RIC8A: variants seen among roughly 807,000 people sequenced by gnomAD.
The protein encoded by RIC8A is chaperone Ric-8A.
Under a neutral mutation model 48.4 loss-of-function variants are expected in RIC8A, and 37 were observed. The observed-to-expected ratio is 0.77, with a 90% CI of 0.59 to 1.01. The LOEUF is 1.01. Ranked by LOEUF, RIC8A falls within the 50% of genes least tolerant of loss-of-function variation. The probability of loss-of-function intolerance (pLI) is 0.00; values close to 1 mark genes in which losing one functional copy is unlikely to be tolerated. For missense variants in RIC8A, 681 were observed against 696.8 expected (o/e 0.98, Z 0.25); for synonymous variants, 288 against 283.4 (o/e 1.02, Z -0.16).
chr11:209,211 G>A, intron 1 of RIC8A, 60 bp from the exon 2 acceptor site: 1 of 1,602,892 alleles, frequency 6.2e-7, no homozygotes, highest in African/African-American at 1.3e-5. Context: ...TAGGCCGCCC[G>A]CATCAGCGGA....
intron 5 of RIC8A, 99 bp from the exon 6 acceptor site, chr11:212,314 CTGT>C: frequency 8.5e-7 from 1 of 1,169,780 alleles, no homozygotes; most frequent in South Asian, 1.4e-5. Context: ...CCAGGACCAG[CTGT>C]TGTGTATGTT....
chr11:211,233 A>C lies in RIC8A; in HGVS notation c.853A>C (p.Lys285Gln), dbSNP rs1306477551. Residue 285 changes from lysine to glutamine, a missense_variant, in exon 5 of 10, where the codon AAG becomes CAG. Coordinates refer to ENST00000526104, the MANE Select transcript of RIC8A (RefSeq NM_001286134.2). This position sits in a 1 kb window ranked among gnomAD's most constrained non-coding sequence, Gnocchi z 4.0. Reference sequence around the variant, plus strand: ...GAACCTCCTGGGGAACTTGCCCCTCAAGTGTCTGGATGTTCTCCTCACCCT... The same window carrying C: ...GAACCTCCTGGGGAACTTGCCCCTCCAGTGTCTGGATGTTCTCCTCACCCT... ...AVNLLGNLPL[K>Q]CLDVLLTLEP... The C allele has an allele frequency of 6.2e-7, 1 of 1,613,952 alleles. No homozygotes were observed. The highest frequency in any genetic ancestry group is 2.2e-5 in the East Asian group (1 of 44,876).
At position 211,156 on chromosome 11, in the gene RIC8A, A is replaced by G; in HGVS notation, c.819-43A>G. 1 of 1,578,006 alleles carries G rather than the reference A, an allele frequency of 6.3e-7. No homozygotes were observed. The highest frequency in any genetic ancestry group is 8.6e-7 in the Non-Finnish European group (1 of 1,160,834). Reference sequence around the variant, plus strand: ...AGTCACAAAGATTGCACCTGTGCTCAGGGATTAGCCCTGTTGAAACCCCTA... The same window carrying G: ...AGTCACAAAGATTGCACCTGTGCTCGGGGATTAGCCCTGTTGAAACCCCTA... On this transcript the variant is annotated intron_variant, in intron 4 of 9. Transcript: ENST00000526104. The surrounding 1 kb of genome is among the most constrained non-coding windows in gnomAD (Gnocchi z 4.0).
In RIC8A at chr11:214,366, T is replaced by G; in HGVS notation, c.*16T>G. 1 of 1,576,934 alleles carries G rather than the reference T, an allele frequency of 6.3e-7. No homozygotes were observed. The highest frequency in any genetic ancestry group is 8.6e-7 in the Non-Finnish European group (1 of 1,160,464). On this transcript the variant is annotated 3_prime_UTR_variant, in exon 10 of 10. Coordinates refer to ENST00000526104, the MANE Select transcript of RIC8A (RefSeq NM_001286134.2). Reference sequence around the variant, plus strand: ...CCCTGACTGAGGATGGCAGCTCTTCTGCTCCCCCATCAGGACTGGTGCTGC... The same window carrying G: ...CCCTGACTGAGGATGGCAGCTCTTCGGCTCCCCCATCAGGACTGGTGCTGC...
In RIC8A at chr11:209,848, C is replaced by T. The variant is rs762479589; in HGVS notation, c.574C>T (p.Leu192=). 4.3e-6 allele frequency: 7 copies of T among 1,613,642 alleles called. No homozygotes were observed. In the South Asian group the frequency reaches 7.7e-5, roughly 18 times the overall value. ...TCAGGAGCTGAAAGGAGTGCGCCTG[C>T]TAACTGACACACTGGAGCTGACGCT... The part of the protein sequence containing the change: ...LFQELKGVRL[L]TDTLELTLGV... The change falls in exon 3 of 10, where the codon CTA becomes TTA. Residue 192 remains leucine, a synonymous_variant. Coordinates refer to ENST00000526104, the MANE Select transcript of RIC8A (RefSeq NM_001286134.2).
chr11:208,709 G>A lies in RIC8A; in HGVS notation c.-146G>A, dbSNP rs1855253594. On this transcript the variant is annotated 5_prime_UTR_variant, in exon 1 of 10. Transcript: ENST00000526104. The surrounding 1 kb of genome is among the most constrained non-coding windows in gnomAD (Gnocchi z 4.8). ...CCCCCTTAAAGCGCCACCAGACGCT[G>A]CGCCCCGTTAAAGCGCCACCAGACG... 1.8e-6 allele frequency: 1 copy of A among 562,200 alleles called. No homozygotes were observed. Among genetic ancestry groups the A allele is most frequent in the Admixed American group, 4.2e-5 (1 of 24,044 alleles). 34.8% of individuals were successfully genotyped at this position (562,200 alleles called of 1,614,324 possible). A position where few individuals can be genotyped will look rare whatever the true frequency, so the allele number is the denominator to read the frequency against.
In RIC8A at chr11:214,831, T is replaced by C; in HGVS notation, c.*481T>C. The C allele has an allele frequency of 3.2e-6, 1 of 311,190 alleles. No individual in the cohort carries two copies. Among genetic ancestry groups the C allele is most frequent in the Non-Finnish European group, 6.2e-6 (1 of 160,192 alleles). 19.3% of individuals were successfully genotyped at this position (311,190 alleles called of 1,614,324 possible). On this transcript the variant is annotated 3_prime_UTR_variant, in exon 10 of 10. Coordinates refer to ENST00000526104, the MANE Select transcript of RIC8A (RefSeq NM_001286134.2). The stretch of plus-strand genomic sequence containing the variant: ...CATACGAGTATATCAGAACACACCC[T>C]TCCAAGGTATGTATGCTCTGTTGTT...
rs141823520 is a variant in RIC8A, at chr11:210,671, G to A, written c.818+9G>A. 5.0e-4 allele frequency: 814 copies of A among 1,613,574 alleles called. 4 individuals carry two copies. The African/African-American group carries it at 9.2e-3, about 18-fold the overall frequency. On this transcript the variant is annotated intron_variant, in intron 4 of 9. Coordinates refer to ENST00000526104, the MANE Select transcript of RIC8A (RefSeq NM_001286134.2). ...ACAGAGGAGTTCCACGGGTGAGAATGGGGCTTTTTCTGGGAGGGAAGTGTG... is the reference window on the plus strand; with the variant it reads ...ACAGAGGAGTTCCACGGGTGAGAATAGGGCTTTTTCTGGGAGGGAAGTGTG...
chr11:213,080 A>T, intron 8 of RIC8A, 99 bp downstream of exon 8: 1 of 1,444,370 alleles, frequency 6.9e-7, no homozygotes. Flanking sequence ...AGGATGACAA[A>T]TGGGCAAGAG....
In RIC8A at chr11:209,425, G is replaced by A. The variant is rs61739386; in HGVS notation, c.151G>A (p.Val51Ile). The change falls in exon 3 of 10, where the codon GTC (valine) becomes ATC (isoleucine). Residue 51 changes from valine (V) to isoleucine (I), a missense_variant. Val to Ile is a conservative substitution (Grantham distance 29). Transcript: ENST00000526104. ...EDRKRLAELL[V>I]SVLEQGLPPS... The stretch of plus-strand genomic sequence containing the variant: ...CCCACAGAGACTGGCGGAGCTGCTG[G>A]TCTCCGTCCTGGAACAGGGCTTGCC... The A allele has an allele frequency of 5.6e-6, 9 of 1,601,540 alleles. No homozygotes were observed. The highest frequency in any genetic ancestry group is 7.7e-6 in the Non-Finnish European group (9 of 1,170,750).
At position 211,198 on chromosome 11, in the gene RIC8A, G is replaced by C; in HGVS notation, c.819-1G>C. The C allele has an allele frequency of 6.2e-7, 1 of 1,612,522 alleles. No homozygotes were observed. Among genetic ancestry groups the C allele is most frequent in the Non-Finnish European group, 8.5e-7 (1 of 1,179,028 alleles). ...AAACCCCTACCTCCATCTGTCCCCA[G>C]CCACGCAGTGAACCTCCTGGGGAAC... On this transcript the variant is annotated splice_acceptor_variant, in intron 4 of 9. Transcript: ENST00000526104. LOFTEE classifies it high-confidence loss of function. The surrounding 1 kb of genome is among the most constrained non-coding windows in gnomAD (Gnocchi z 4.0).
chr11:212,338 G>A, intron 5 of RIC8A, 78 bp from the exon 6 acceptor site: 2 of 1,383,822 alleles, frequency 1.4e-6, no homozygotes, highest in Non-Finnish European at 2.0e-6. Context: ...GGTGGGAAGG[G>A]GTGGTGGGGA....
chr11:212,567 G>C (rs370665536), intron 6 of RIC8A, 48 bp from the exon 7 acceptor site: 2 of 1,613,082 alleles, frequency 1.2e-6, no homozygotes, highest in Non-Finnish European at 1.7e-6. Context: ...CCTGATCACA[G>C]ACCCTTGGCT....
Position 209,947 on chromosome 11 carries a change from C to A in RIC8A, c.673C>A (p.Leu225Ile). Reference sequence around the variant, plus strand: ...AGAGACTGAGCGGGCCATGGAGATCCTCAAAGTGCTCTTCAACATCACCCT... The same window carrying A: ...AGAGACTGAGCGGGCCATGGAGATCATCAAAGTGCTCTTCAACATCACCCT... ...SQETERAMEI[L>I]KVLFNITLDS... The change falls in exon 3 of 10, where the codon CTC (leucine) becomes ATC (isoleucine). Residue 225 changes from leucine to isoleucine, a missense_variant. Transcript: ENST00000526104. 6.2e-7 allele frequency: 1 copy of A among 1,601,312 alleles called. No individual in the cohort carries two copies. Among genetic ancestry groups the A allele is most frequent in the South Asian group, 1.1e-5 (1 of 91,048 alleles).
chr11:214,150 G>A, intron 9 of RIC8A, 80 bp from the exon 10 acceptor site: 1 of 1,503,766 alleles, frequency 6.6e-7, no homozygotes, highest in Non-Finnish European at 9.0e-7. Flanking sequence ...TAGAGAGGAA[G>A]GTAGCAGCCA....
Position 209,553 on chromosome 11 carries a change from C to T in RIC8A, c.279C>T (p.Ala93=), listed in dbSNP as rs1351580803. The T allele has an allele frequency of 6.2e-7, 1 of 1,614,136 alleles. No individual in the cohort carries two copies. Among genetic ancestry groups the T allele is most frequent in the South Asian group, 1.1e-5 (1 of 91,090 alleles). The change falls in exon 3 of 10, where the codon GCC becomes GCT. Residue 93 remains alanine, a synonymous_variant. Coordinates refer to ENST00000526104, the MANE Select transcript of RIC8A (RefSeq NM_001286134.2). ...FTSRQSLQAL[A]CYADISVSEG... The stretch of plus-strand genomic sequence containing the variant: ...GCCGCCAGAGCCTGCAGGCACTAGC[C>T]TGCTATGCTGACATCTCTGTCTCTG...
intron 3 of RIC8A, 40 bp downstream of exon 3, chr11:210,040 G>C (rs374024838): frequency 3.3e-6 from 5 of 1,500,550 alleles, no homozygotes; most frequent in East Asian, 2.3e-5. Flanking sequence ...TCTCAACTCA[G>C]CTCCAACATT....
At chr11:213,138 A>G in intron 8 of RIC8A, 157 bp downstream of exon 8, 3 of 1,362,210 alleles carry the variant, frequency 2.2e-6, no homozygotes, top group Non-Finnish European at 3.0e-6. Context: ...GGATACCAGA[A>G]GGTGGCAGAT....
chr11:209,749 G>A lies in RIC8A; in HGVS notation c.475G>A (p.Asp159Asn), dbSNP rs199877452. Residue 159 changes from aspartate to asparagine, a missense_variant, in exon 3 of 10, where the codon GAT becomes AAT. Coordinates refer to ENST00000526104, the MANE Select transcript of RIC8A (RefSeq NM_001286134.2). ...GTACCGTGAGAGGAGCTTCCCCCAC[G>A]ATGTCCAGTTCTTTGACTTGCGGCT... ...GLYRERSFPH[D>N]VQFFDLRLLF... 7.4e-6 allele frequency: 12 copies of A among 1,614,040 alleles called. No individual in the cohort carries two copies. Among genetic ancestry groups the A allele is most frequent in the Non-Finnish European group, 1.0e-5 (12 of 1,180,018 alleles).
Sources: gnomAD v4.1 joint callset for allele counts on GRCh38, gnomAD v4.1.1 for gene constraint, Gnocchi (gnomAD v3.1) non-coding constraint, MANE v1.5 for transcripts, NCBI Gene and HGNC (gene_info 2026-07-23, HGNC 2026-07-21) for gene names.